The following AKAP19 variants were observed in gnomAD, a reference collection of about 807,000 sequenced individuals.
The protein encoded by AKAP19 is A-kinase anchoring protein 19.
chr2:190,019,349 T>C, the AKAP19 span, among the ~76,000 whole-genome samples: 1 of 152,080 alleles, frequency 6.6e-6, no homozygotes, highest in Non-Finnish European at 1.5e-5. Context: ...CTTCTGCCCT[T>C]TGCCAAAATG....
At chr2:189,885,692 G>T in the AKAP19 span, among the ~76,000 whole-genome samples, 1 of 152,168 alleles carries the variant, frequency 6.6e-6, no homozygotes, top group African/African-American at 2.4e-5. Flanking sequence ...AAAATGATCA[G>T]TATAGGGATT....
chr2:190,108,789 T>TG, the AKAP19 span, among the ~76,000 whole-genome samples: 80 of 151,296 alleles, frequency 5.3e-4, 1 homozygote, highest in Admixed American at 5.9e-4. Flanking sequence ...TGCGGTTTTT[T>TG]TTTTTTTTTT....
the AKAP19 span, among the ~76,000 whole-genome samples, chr2:190,159,211 A>G: frequency 6.6e-6 from 1 of 152,152 alleles, no homozygotes; most frequent in South Asian, 2.1e-4. Context: ...TGGTGCCATA[A>G]CTGCCTAAGG....
the AKAP19 span, among the ~76,000 whole-genome samples, chr2:189,956,364 T>G: frequency 6.7e-6 from 1 of 149,760 alleles, no homozygotes; most frequent in Admixed American, 6.6e-5. Context: ...AGAGACGGGG[T>G]TTCACCGTTT....
At chr2:189,908,287 A>G in the AKAP19 span, among the ~76,000 whole-genome samples, 9 of 149,566 alleles carry the variant, frequency 6.0e-5, no homozygotes, top group African/African-American at 2.2e-4. Flanking sequence ...TCTGCCTCCC[A>G]GTTTCAAGTG....
chr2:189,931,362 GTTA>G, the AKAP19 span, among the ~76,000 whole-genome samples: 1 of 151,880 alleles, frequency 6.6e-6, no homozygotes, highest in Non-Finnish European at 1.5e-5. Flanking sequence ...ATGCAATATT[GTTA>G]TTATTATTAT....
At chr2:189,972,221 C>T in the AKAP19 span, among the ~76,000 whole-genome samples, 1 of 152,150 alleles carries the variant, frequency 6.6e-6, no homozygotes, top group Non-Finnish European at 1.5e-5. Flanking sequence ...TTTCCCAGCA[C>T]CATTTATTAA....
the AKAP19 span, among the ~76,000 whole-genome samples, chr2:189,939,900 A>G: frequency 6.6e-6 from 1 of 152,034 alleles, no homozygotes; most frequent in Non-Finnish European, 1.5e-5. Context: ...GGTACCAGCA[A>G]TTTGGGAGGC....
the AKAP19 span, among the ~76,000 whole-genome samples, chr2:190,185,259 A>C: frequency 2.0e-4 from 30 of 152,338 alleles, no homozygotes; most frequent in African/African-American, 7.0e-4. Flanking sequence ...AGGGGAGGAA[A>C]AAAGCTGTCC....
At chr2:189,896,045 TTATG>T in the AKAP19 span, among the ~76,000 whole-genome samples, 1 of 152,104 alleles carries the variant, frequency 6.6e-6, no homozygotes, top group Non-Finnish European at 1.5e-5. Flanking sequence ...AAAATTTCAT[TTATG>T]TATGTTTTAG....
chr2:190,199,572 C>A, the AKAP19 span: 14 of 380,732 alleles, frequency 3.7e-5, no homozygotes, highest in African/African-American at 1.4e-4. Flanking sequence ...TAAGATAAAG[C>A]TGTTTGTTTT....
chr2:190,072,821 T>C, the AKAP19 span, among the ~76,000 whole-genome samples: 1 of 152,162 alleles, frequency 6.6e-6, no homozygotes, highest in Non-Finnish European at 1.5e-5. Context: ...AAACGTTACA[T>C]ACCAAAACTT....
At chr2:190,188,907 A>G in the AKAP19 span, among the ~76,000 whole-genome samples, 1 of 152,308 alleles carries the variant, frequency 6.6e-6, no homozygotes, top group Admixed American at 6.5e-5. Flanking sequence ...GCAGTTTACT[A>G]ATCCATTCAA....
the AKAP19 span, among the ~76,000 whole-genome samples, chr2:190,070,826 T>C: frequency 6.6e-6 from 1 of 152,184 alleles, no homozygotes; most frequent in African/African-American, 2.4e-5. Context: ...AGAAATCTGA[T>C]GGGAAGAACT....
the AKAP19 span, among the ~76,000 whole-genome samples, chr2:189,969,243 G>A: frequency 0.033 from 4,982 of 152,118 alleles, 279 homozygotes; most frequent in African/African-American, 0.11. Flanking sequence ...GAGCCTCATG[G>A]GGTCCCAGAG....
At chr2:190,010,451 A>G in the AKAP19 span, among the ~76,000 whole-genome samples, 1,544 of 152,334 alleles carry the variant, frequency 0.01, 17 homozygotes, top group African/African-American at 0.034. Context: ...GATGTACTGT[A>G]TGATTGCTGA....
At chr2:190,072,193 G>A in the AKAP19 span, among the ~76,000 whole-genome samples, 2 of 152,108 alleles carry the variant, frequency 1.3e-5, no homozygotes, top group African/African-American at 4.8e-5. Context: ...TTACTTATAA[G>A]TGACAGCTAA....
the AKAP19 span, among the ~76,000 whole-genome samples, chr2:190,036,858 C>T: frequency 1.3e-5 from 2 of 152,204 alleles, no homozygotes; most frequent in South Asian, 2.1e-4. Context: ...ATTAAGTTCA[C>T]ATCCTGCTTT....
At chr2:189,977,408 C>T in the AKAP19 span, among the ~76,000 whole-genome samples, 1 of 152,090 alleles carries the variant, frequency 6.6e-6, no homozygotes, top group East Asian at 1.9e-4. Flanking sequence ...AGTTTGATAA[C>T]CATCACTTTC....
Sources: allele counts gnomAD v4.1 joint callset (sites outside exome capture counted in the v4.1 genomes callset), GRCh38; gene constraint gnomAD v4.1.1; transcripts MANE v1.5; gene names NCBI Gene and HGNC (gene_info 2026-07-23, HGNC 2026-07-21).